The following LRP6 variants were observed in gnomAD, a reference collection of about 807,000 sequenced individuals.
LRP6 encodes low-density lipoprotein receptor-related protein 6.
Under a neutral mutation model 184.1 loss-of-function variants are expected in LRP6, and 43 were observed. The ratio of observed to expected loss-of-function variants is 0.23; its 90% CI spans 0.18 to 0.30. LRP6 has a LOEUF of 0.30. Among genes scored for constraint, LRP6 ranks in the 10% least tolerant of loss-of-function variants. The pLI is 1.00. For missense variants in LRP6, 1,571 were observed against 2,005.3 expected, an observed-to-expected ratio of 0.78 and a Z score of 4.14; for synonymous variants, 719 against 684.9, an observed-to-expected ratio of 1.05 and a Z score of -0.78.
At position 12,128,501 on chromosome 12, in the gene LRP6, A is replaced by G. The variant is rs186171144; in HGVS notation, c.4082-1580T>C. Among the ~76,000 whole-genome samples, 41 of 152,312 alleles carry G rather than the reference A, an allele frequency of 2.7e-4. No homozygotes were observed. The East Asian group carries it at 7.7e-3, about 29-fold the overall frequency. On this transcript the variant is annotated intron_variant, in intron 19 of 22. Transcript: ENST00000261349. The stretch of plus-strand genomic sequence containing the variant: ...TTCTGAGCCACAGTTCCTTATAATC[A>G]ACTTCCTGAAGAGCTTCAGTGGGAT...
intron 1 of LRP6, 86 bp downstream of exon 1, chr12:12,266,595 C>A: frequency 9.0e-7 from 1 of 1,110,042 alleles, no homozygotes; most frequent in Non-Finnish European, 1.3e-6. Flanking sequence ...CTCCCTTCCT[C>A]CGTCCCTCCC....
chr12:12,127,723 T>C (rs1468978904), intron 19 of LRP6, among the ~76,000 whole-genome samples: 4 of 151,504 alleles, frequency 2.6e-5, no homozygotes, highest in African/African-American at 9.8e-5. Flanking sequence ...ACTGTCTCTA[T>C]TCAGAGGGAA....
intron 3 of LRP6, among the ~76,000 whole-genome samples, chr12:12,190,821 A>G (rs1404684020): frequency 2.0e-5 from 3 of 152,194 alleles, no homozygotes; most frequent in Non-Finnish European, 4.4e-5. Flanking sequence ...AGCTGTAATA[A>G]TATCTAAGAA....
chr12:12,185,666 A>C (rs1863450974), intron 4 of LRP6, among the ~76,000 whole-genome samples: 1 of 152,154 alleles, frequency 6.6e-6, no homozygotes, highest in African/African-American at 2.4e-5. Flanking sequence ...AGCCCGAGTC[A>C]TTGTAAAGGC....
chr12:12,186,234 A>G (rs560558235), intron 4 of LRP6, among the ~76,000 whole-genome samples: 1 of 152,354 alleles, frequency 6.6e-6, no homozygotes, highest in South Asian at 2.1e-4. Flanking sequence ...TCATTTGTGT[A>G]TAAGCCTAGC....
intron 7 of LRP6, among the ~76,000 whole-genome samples, chr12:12,172,301 G>A (rs1416557163): frequency 6.6e-6 from 1 of 152,174 alleles, no homozygotes; most frequent in African/African-American, 2.4e-5. Flanking sequence ...GGAAATAGAC[G>A]TGGGTTAACC....
At position 12,159,017 on chromosome 12, in the gene LRP6, A is replaced by G. The variant is rs1286824392; in HGVS notation, c.2603T>C (p.Ile868Thr). ...CACATAATCCAAATGGCCCTGAATG[A>G]TGGTGCGGTTTTGGCCACTGGTTTT... ...ANKTSGQNRT[I>T]IQGHLDYVMD... Residue 868 changes from isoleucine (I) to threonine (T), a missense_variant, in exon 12 of 23, where the codon ATC becomes ACC. Ile to Thr is a moderately conservative substitution (Grantham distance 89). This residue lies in a region of LRP6 where 158 missense variants were observed against 258.4 expected (regional missense o/e 0.61). Transcript: ENST00000261349. 4 of 1,614,180 alleles carry G rather than the reference A, an allele frequency of 2.5e-6. 1 individual carries two copies. The South Asian group carries it at 3.3e-5, about 13-fold the overall frequency.
At position 12,120,018 on chromosome 12, in the gene LRP6, T is replaced by TATATATATATATATATAA. The variant is rs1949580306; in HGVS notation, c.*1107_*1108insTTATATATATATATATAT. 1 of 103,688 alleles carries TATATATATATATATATAA rather than the reference T, an allele frequency of 9.6e-6. No individual in the cohort carries two copies. The highest frequency in any genetic ancestry group is 3.2e-5 in the African/African-American group (1 of 31,116). 6.4% of individuals were successfully genotyped at this position (103,688 alleles called of 1,614,324 possible). A position where few individuals can be genotyped will look rare whatever the true frequency, so the allele number is the denominator to read the frequency against. On this transcript the variant is annotated 3_prime_UTR_variant, in exon 23 of 23. Coordinates refer to ENST00000261349, the MANE Select transcript of LRP6 (RefSeq NM_002336.3). ...ATATATATATATATATATATATATA[T>TATATATATATATATATAA]ATATATATATATATATATATATATA...
At chr12:12,197,450 T>C (rs1863792978) in intron 3 of LRP6, among the ~76,000 whole-genome samples, 1 of 152,224 alleles carries the variant, frequency 6.6e-6, no homozygotes, top group Non-Finnish European at 1.5e-5. Context: ...TTGGTCATTT[T>C]TGATCTAGTC....
chr12:12,232,601 A>AC (rs1864821069), intron 2 of LRP6, among the ~76,000 whole-genome samples: 1 of 150,948 alleles, frequency 6.6e-6, no homozygotes, highest in African/African-American at 2.4e-5. Context: ...AAAAAAAAAA[A>AC]CAGAAGTAGA....
chr12:12,162,104 T>C, intron 10 of LRP6, 89 bp downstream of exon 10: 1 of 1,021,278 alleles, frequency 9.8e-7, no homozygotes, highest in Admixed American at 1.8e-5. Flanking sequence ...ACGTATTATT[T>C]AAAACATTAA....
chr12:12,170,877 C>A (rs1863018702), intron 7 of LRP6, among the ~76,000 whole-genome samples: 1 of 151,356 alleles, frequency 6.6e-6, no homozygotes, highest in Non-Finnish European at 1.5e-5. Flanking sequence ...GTCACATTTG[C>A]AAGTTTACAT....
At chr12:12,160,664 T>G (rs930383541) in intron 10 of LRP6, among the ~76,000 whole-genome samples, 1 of 152,224 alleles carries the variant, frequency 6.6e-6, no homozygotes, top group African/African-American at 2.4e-5. Flanking sequence ...TTTTGCACTT[T>G]AATCTTACAG....
At chr12:12,212,113 C>G (rs1864225643) in intron 2 of LRP6, among the ~76,000 whole-genome samples, 1 of 152,166 alleles carries the variant, frequency 6.6e-6, no homozygotes, top group South Asian at 2.1e-4. Context: ...GGACTGTTTA[C>G]TCATATGTTT....
intron 3 of LRP6, 33 bp downstream of exon 3, chr12:12,203,170 C>T: frequency 1.3e-6 from 2 of 1,523,274 alleles, no homozygotes; most frequent in Non-Finnish European, 1.8e-6. Flanking sequence ...ATCGAGTTTT[C>T]TTAAAAGTTT....
rs1014570941 is a variant in LRP6, at chr12:12,117,572, C to G, written c.*3554G>C. 3 of 152,224 alleles carry G rather than the reference C, an allele frequency of 2.0e-5. No homozygotes were observed. Among genetic ancestry groups the G allele is most frequent in the African/African-American group, 7.2e-5 (3 of 41,464 alleles). 9.4% of individuals were successfully genotyped at this position (152,224 alleles called of 1,614,324 possible). ...TTCAAAATATGACATTTCTAAGAATCTAATCTAGGCAGCTGCAGCCTGTTT... is the reference window on the plus strand; with the variant it reads ...TTCAAAATATGACATTTCTAAGAATGTAATCTAGGCAGCTGCAGCCTGTTT... On this transcript the variant is annotated 3_prime_UTR_variant, in exon 23 of 23. Coordinates refer to ENST00000261349, the MANE Select transcript of LRP6 (RefSeq NM_002336.3).
intron 2 of LRP6, among the ~76,000 whole-genome samples, chr12:12,210,350 T>C (rs962374942): frequency 6.6e-6 from 1 of 152,172 alleles, no homozygotes; most frequent in African/African-American, 2.4e-5. Flanking sequence ...CAACATAATA[T>C]GGAATTAGAT....
rs974917422 is a variant in LRP6, at chr12:12,116,980, G to A, written c.*4146C>T. The A allele has an allele frequency of 9.2e-5, 14 of 152,086 alleles. No individual in the cohort carries two copies. Among genetic ancestry groups the A allele is most frequent in the Non-Finnish European group, 1.9e-4 (13 of 67,978 alleles). The allele number at this position is 152,086 out of a possible 1,614,324, so 9.4% of individuals were successfully genotyped here. A position where few individuals can be genotyped will look rare whatever the true frequency, so the allele number is the denominator to read the frequency against. On this transcript the variant is annotated 3_prime_UTR_variant, in exon 23 of 23. Transcript: ENST00000261349. ...TTTAAATTTTAAAAAAATTATAAAC[G>A]TATAATTTTATACTTGAGGTCCAAA...
At chr12:12,170,341 T>A (rs1284442704) in intron 7 of LRP6, among the ~76,000 whole-genome samples, 1 of 152,100 alleles carries the variant, frequency 6.6e-6, no homozygotes, top group African/African-American at 2.4e-5. Context: ...AAAAACAGTA[T>A]AAAACAGTAG....
Sources: gnomAD v4.1 joint callset for allele counts (sites outside exome capture counted in the v4.1 genomes callset) on GRCh38, gnomAD v4.1.1 for gene constraint, gnomAD v4.1.1 regional missense constraint, MANE v1.5 for transcripts, NCBI Gene and HGNC (gene_info 2026-07-23, HGNC 2026-07-21) for gene names.